The following DCBLD2 variants were observed in gnomAD, a reference collection of about 807,000 sequenced individuals.
The protein encoded by DCBLD2 is discoidin, CUB and LCCL domain-containing protein 2.
DCBLD2 carries 54 observed loss-of-function variants against 86.8 expected under a neutral mutation model. The ratio of observed to expected loss-of-function variants is 0.62; its 90% CI spans 0.50 to 0.78. The LOEUF (loss-of-function observed/expected upper bound fraction) is 0.78, where lower values mean the gene tolerates loss of function less well. Among genes scored for constraint, DCBLD2 ranks in the 30% least tolerant of loss-of-function variants. The probability of loss-of-function intolerance (pLI) is 0.00; values close to 1 mark genes in which losing one functional copy is unlikely to be tolerated. For missense variants in DCBLD2, 908 were observed against 954.2 expected (o/e 0.95, Z 0.64); for synonymous variants, 354 against 341.3 (o/e 1.04, Z -0.41).
intron 2 of DCBLD2, among the ~76,000 whole-genome samples, chr3:98,853,468 A>C (rs1942876446): frequency 1.3e-5 from 2 of 152,162 alleles, no homozygotes; most frequent in African/African-American, 4.8e-5. Flanking sequence ...CTCAGCTATC[A>C]TTTATCATCA....
intron 2 of DCBLD2, among the ~76,000 whole-genome samples, chr3:98,871,757 T>C (rs552710407): frequency 6.6e-6 from 1 of 152,264 alleles, no homozygotes; most frequent in Admixed American, 6.5e-5. Flanking sequence ...TGTCTTTTCC[T>C]GGCTTTGGTA....
rs764141380 is a variant in DCBLD2 at position 98,799,808 on chromosome 3, C to T, written c.1892G>A (p.Gly631Asp). The T allele has an allele frequency of 7.4e-6, 12 of 1,612,914 alleles. No individual in the cohort carries two copies. The highest frequency in any genetic ancestry group is 9.3e-6 in the Non-Finnish European group (11 of 1,179,350). The change falls in exon 16 of 16, where the codon GGT becomes GAT. Residue 631 changes from glycine to aspartate, a missense_variant. By Grantham distance (94) the Gly-to-Asp change is moderately conservative (BLOSUM62 -1). Around this residue, in one of 3 missense-constraint regions of DCBLD2, gnomAD observed 606 missense variants for 678.5 expected, o/e 0.89. Coordinates refer to ENST00000326840, the MANE Select transcript of DCBLD2 (RefSeq NM_080927.4). ...AAAGGTAGATCTTTGATGAAGTGTA[C>T]CAACAATTCCTCCTACCAGTGGCTG... ...YAQPLVGGIV[G>D]TLHQRSTFKP...
intron 8 of DCBLD2, among the ~76,000 whole-genome samples, chr3:98,818,116 C>G (rs2107443495): frequency 6.6e-6 from 1 of 152,284 alleles, no homozygotes; most frequent in Admixed American, 6.5e-5. Flanking sequence ...AAGTAAAGAA[C>G]TATTCTGTTT....
chr3:98,863,104 G>C (rs1943076369), intron 2 of DCBLD2, among the ~76,000 whole-genome samples: 1 of 152,128 alleles, frequency 6.6e-6, no homozygotes, highest in South Asian at 2.1e-4. Context: ...CAAATCATGA[G>C]TGAACTCCCA....
At position 98,825,658 on chromosome 3, in the gene DCBLD2, TA is replaced by T. The variant is rs1337164279; in HGVS notation, c.572-293del. ...ATATGTGTATTTATATATATATATA[TA>T]TATATATATATATATATATATTTAG... On this transcript the variant is annotated intron_variant, in intron 3 of 15. Transcript: ENST00000326840. Among the ~76,000 whole-genome samples the T allele has an allele frequency of 3.3e-4, 27 of 81,372 alleles. 1 individual carries two copies. The highest frequency in any genetic ancestry group is 1.1e-3 in the Admixed American group (10 of 9,362). 53.4% of individuals were successfully genotyped at this position (81,372 alleles called of 152,430 possible).
intron 13 of DCBLD2, chr3:98,805,146 CA>C (rs1230213166): frequency 1.3e-5 from 2 of 152,112 alleles, no homozygotes; most frequent in African/African-American, 4.8e-5. Context: ...AAACATTCTC[CA>C]GTATAAGACT....
At chr3:98,893,545 T>C (rs896281121) in intron 1 of DCBLD2, among the ~76,000 whole-genome samples, 2 of 151,920 alleles carry the variant, frequency 1.3e-5, no homozygotes, top group African/African-American at 4.8e-5. Context: ...AAAAAATAAA[T>C]TAACAATTTA....
chr3:98,810,339 A>G (rs1000947146), intron 12 of DCBLD2, among the ~76,000 whole-genome samples: 21 of 152,226 alleles, frequency 1.4e-4, no homozygotes, highest in African/African-American at 5.1e-4. Context: ...ATCTTTGTGA[A>G]AATACTTCAG....
rs762100457 is a variant in DCBLD2, at chr3:98,811,193, C to G, written c.1576+1G>C. Reference sequence around the variant, plus strand: ...AGGCGTTCATTTCCATGTTTGCATACCTTTGGTTACATTTGGAGTTACGGT... The same window carrying G: ...AGGCGTTCATTTCCATGTTTGCATAGCTTTGGTTACATTTGGAGTTACGGT... On this transcript the variant is annotated splice_donor_variant, in intron 12 of 15. Coordinates refer to ENST00000326840, the MANE Select transcript of DCBLD2 (RefSeq NM_080927.4). LOFTEE classifies it high-confidence loss of function. The G allele has an allele frequency of 6.2e-7, 1 of 1,600,506 alleles. No individual in the cohort carries two copies. Among genetic ancestry groups the G allele is most frequent in the Non-Finnish European group, 8.5e-7 (1 of 1,175,782 alleles).
chr3:98,817,957 C>T, intron 8 of DCBLD2, 64 bp from the exon 9 acceptor site: 1 of 1,581,078 alleles, frequency 6.3e-7, no homozygotes, highest in Non-Finnish European at 8.6e-7. Context: ...TGTTCAGCAT[C>T]AAAGTATAAA....
chr3:98,800,432 C>T, intron 15 of DCBLD2, 147 bp downstream of exon 15: 1 of 815,010 alleles, frequency 1.2e-6, no homozygotes, highest in Non-Finnish European at 1.9e-6. Context: ...TGAAGAGTCA[C>T]CTTTTAAAAA....
intron 13 of DCBLD2, 54 bp from the exon 14 acceptor site, chr3:98,801,703 T>C: frequency 7.2e-7 from 1 of 1,387,050 alleles, no homozygotes; most frequent in South Asian, 1.3e-5. Context: ...CTGGTAAGCC[T>C]GCTCCCCCTA....
In DCBLD2 at chr3:98,809,439, C is replaced by T. The variant is rs553382059; in HGVS notation, c.1577-1265G>A. 3.3e-5 allele frequency among the ~76,000 whole-genome samples: 5 copies of T among 152,026 alleles called. No individual in the cohort carries two copies. The East Asian group carries it at 7.7e-4, about 24-fold the overall frequency. ...AAGATTGGGTCCCTGAGAGGTAGATCGAGGGGAACCAGGGCACAGGTGATA... is the reference window on the plus strand; with the variant it reads ...AAGATTGGGTCCCTGAGAGGTAGATTGAGGGGAACCAGGGCACAGGTGATA... On this transcript the variant is annotated intron_variant, in intron 12 of 15. Transcript: ENST00000326840.
chr3:98,812,610 A>C, intron 9 of DCBLD2, 128 bp from the exon 10 acceptor site: 1 of 683,468 alleles, frequency 1.5e-6, no homozygotes, highest in Non-Finnish European at 2.2e-6. Flanking sequence ...GATAATAAGG[A>C]TCAATTTTTA....
Position 98,800,317 on chromosome 3 carries a change from C to T in DCBLD2, c.1858+262G>A, listed in dbSNP as rs1009543351. ...CTTTCCCGCTCTCCTCTCAACATCT[C>T]GGGTCTCCCCACAAGCCTCAGTTAA... On this transcript the variant is annotated intron_variant, in intron 15 of 15. Transcript: ENST00000326840. Among the ~76,000 whole-genome samples the T allele has an allele frequency of 2.6e-5, 4 of 152,246 alleles. No homozygotes were observed. The South Asian group carries it at 8.3e-4, about 32-fold the overall frequency.
rs377226898 is a variant in DCBLD2, at chr3:98,795,980, G to A, written c.*3392C>T. The A allele has an allele frequency of 3.3e-4, 50 of 152,446 alleles. No homozygotes were observed. The highest frequency in any genetic ancestry group is 1.1e-3 in the African/African-American group (46 of 41,378). 9.4% of individuals were successfully genotyped at this position (152,446 alleles called of 1,614,324 possible). ...AAGAATCTGGCATTTTATAGTATAAGGAAAAGCTACAAACCTCAAGGTTGT... is the reference window on the plus strand; with the variant it reads ...AAGAATCTGGCATTTTATAGTATAAAGAAAAGCTACAAACCTCAAGGTTGT... On this transcript the variant is annotated 3_prime_UTR_variant, in exon 16 of 16. Coordinates refer to ENST00000326840, the MANE Select transcript of DCBLD2 (RefSeq NM_080927.4).
intron 3 of DCBLD2, among the ~76,000 whole-genome samples, chr3:98,839,389 T>C (rs139487763): frequency 4.6e-5 from 7 of 152,254 alleles, no homozygotes; most frequent in Non-Finnish European, 1.5e-5. Context: ...TTTCTTTCCA[T>C]GAAGGCGGCA....
chr3:98,899,754 G>A (rs35098355), intron 1 of DCBLD2, among the ~76,000 whole-genome samples: 2 of 151,978 alleles, frequency 1.3e-5, no homozygotes, highest in Non-Finnish European at 2.9e-5. Context: ...ATGTCCTTAC[G>A]TTTGAACTGG....
At chr3:98,858,262 C>A (rs1942974051) in intron 2 of DCBLD2, among the ~76,000 whole-genome samples, 1 of 152,246 alleles carries the variant, frequency 6.6e-6, no homozygotes, top group Non-Finnish European at 1.5e-5. Flanking sequence ...CTCGCACTGG[C>A]CCGCAAGCGC....
Sources: gnomAD v4.1 joint callset for allele counts (sites outside exome capture counted in the v4.1 genomes callset) on GRCh38, gnomAD v4.1.1 for gene constraint, gnomAD v4.1.1 regional missense constraint, MANE v1.5 for transcripts, NCBI Gene and HGNC (gene_info 2026-07-23, HGNC 2026-07-21) for gene names.